The following ATG5 variants were observed in gnomAD, a reference collection of about 807,000 sequenced individuals.
ATG5 encodes autophagy protein 5.
In ATG5, 14 loss-of-function variants were observed where a neutral mutation model predicts 36.5. The observed-to-expected ratio is 0.38, with a 90% CI of 0.25 to 0.60. The LOEUF (loss-of-function observed/expected upper bound fraction) is 0.60, where lower values mean the gene tolerates loss of function less well. ATG5 is among the 20% of genes least tolerant of loss of function. The pLI is 0.60. For synonymous variants in ATG5, 95 were observed against 101.5 expected, an observed-to-expected ratio of 0.94 and a Z score of 0.38; for missense variants, 195 against 326.7, an observed-to-expected ratio of 0.60 and a Z score of 3.11.
intron 5 of ATG5, among the ~76,000 whole-genome samples, chr6:106,276,552 T>C (rs562830465): frequency 6.6e-6 from 1 of 152,102 alleles, no homozygotes; most frequent in Non-Finnish European, 1.5e-5. Flanking sequence ...CAGGCCTTTG[T>C]TGTTCTTCTA....
At chr6:106,204,211 G>A (rs1354970659) in intron 6 of ATG5, among the ~76,000 whole-genome samples, 1 of 151,898 alleles carries the variant, frequency 6.6e-6, no homozygotes, top group Non-Finnish European at 1.5e-5. Flanking sequence ...ATGTATTCCA[G>A]AACTTAAAGT....
At chr6:106,319,593 C>T (rs1365889540) in intron 1 of ATG5, among the ~76,000 whole-genome samples, 1 of 152,202 alleles carries the variant, frequency 6.6e-6, no homozygotes, top group African/African-American at 2.4e-5. Context: ...TCAACTTAAA[C>T]ATGCTTTAGG....
At chr6:106,308,343 A>G (rs1582682979) in intron 3 of ATG5, 21 bp downstream of exon 3, 2 of 1,543,202 alleles carry the variant, frequency 1.3e-6, no homozygotes, top group East Asian at 4.8e-5. Context: ...AATGCTTAAT[A>G]ATGCAGAAAA....
intron 3 of ATG5, among the ~76,000 whole-genome samples, chr6:106,296,215 T>TAA: frequency 6.9e-6 from 1 of 145,674 alleles, no homozygotes; most frequent in East Asian, 2.0e-4. Context: ...AAACTCACTT[T>TAA]AAAAAAAAAA....
At chr6:106,205,862 T>C (rs536713980) in intron 6 of ATG5, among the ~76,000 whole-genome samples, 1 of 152,356 alleles carries the variant, frequency 6.6e-6, no homozygotes, top group East Asian at 1.9e-4. Context: ...TTGTTTCTCA[T>C]TTAATGAAAA....
rs915056563 is a variant in ATG5 at position 106,277,482 on chromosome 6, T to A, written c.478+2179A>T. Among the ~76,000 whole-genome samples the A allele has an allele frequency of 1.9e-4, 29 of 152,228 alleles. 1 individual carries two copies. Among genetic ancestry groups the A allele is most frequent in the Admixed American group, 1.1e-3 (17 of 15,284 alleles). On this transcript the variant is annotated intron_variant, in intron 5 of 7. Transcript: ENST00000369076. ...CGATTGTTCCACAATCTTTAAAAAA[T>A]TTTGTCAAAACATTAAAAACTCTTA...
At chr6:106,322,831 T>C (rs1463540763) in intron 1 of ATG5, among the ~76,000 whole-genome samples, 1 of 152,208 alleles carries the variant, frequency 6.6e-6, no homozygotes, top group Admixed American at 6.5e-5. Flanking sequence ...GCTTCACATA[T>C]ACCACCACAT....
rs559776069 is a variant in ATG5, at chr6:106,250,146, A to G, written c.479-1902T>C. On this transcript the variant is annotated intron_variant, in intron 5 of 7. Coordinates refer to ENST00000369076, the MANE Select transcript of ATG5 (RefSeq NM_004849.4). ...AAAATCTTATCTCTATAAAGCAAGG[A>G]AATACATCCAGAATTACAGTTCAGC... is the stretch of plus-strand genomic sequence containing the variant. 1.6e-4 allele frequency among the ~76,000 whole-genome samples: 25 copies of G among 151,900 alleles called. No individual in the cohort carries two copies. In the South Asian group the frequency reaches 5.2e-3, roughly 32 times the overall value.
At chr6:106,263,701 T>C (rs1260029027) in intron 5 of ATG5, among the ~76,000 whole-genome samples, 1 of 152,096 alleles carries the variant, frequency 6.6e-6, no homozygotes, top group African/African-American at 2.4e-5. Flanking sequence ...CCACTGGTGA[T>C]ACCCAGGCGA....
At chr6:106,237,892 G>A (rs926614770) in intron 6 of ATG5, among the ~76,000 whole-genome samples, 5 of 152,172 alleles carry the variant, frequency 3.3e-5, no homozygotes, top group Admixed American at 2.0e-4. Flanking sequence ...ACAGTACAGA[G>A]CCTTAGCTTC....
At chr6:106,188,855 ATTATT>A (rs890461668) in intron 7 of ATG5, among the ~76,000 whole-genome samples, 7 of 152,230 alleles carry the variant, frequency 4.6e-5, no homozygotes, top group African/African-American at 1.4e-4. Context: ...TTTTAAATAT[ATTATT>A]TTGTCACTGC....
chr6:106,242,582 A>G (rs1778171705), intron 6 of ATG5, among the ~76,000 whole-genome samples: 3 of 152,184 alleles, frequency 2.0e-5, no homozygotes, highest in Admixed American at 6.5e-5. Flanking sequence ...CATGATTAAA[A>G]ATTAAAACAA....
chr6:106,314,589 G>A (rs1035608466), intron 2 of ATG5, among the ~76,000 whole-genome samples: 4 of 151,840 alleles, frequency 2.6e-5, no homozygotes, highest in African/African-American at 9.7e-5. Flanking sequence ...ATAAATAAAA[G>A]TAAACAGACT....
chr6:106,191,155 C>T (rs904431674), intron 7 of ATG5, among the ~76,000 whole-genome samples: 11 of 152,124 alleles, frequency 7.2e-5, no homozygotes, highest in African/African-American at 2.2e-4. Context: ...ATGAGCTGAG[C>T]TCCTCTCCAG....
chr6:106,186,375 C>A lies in ATG5; in HGVS notation c.*165G>T. 1 of 722,432 alleles carries A rather than the reference C, an allele frequency of 1.4e-6. No individual in the cohort carries two copies. The highest frequency in any genetic ancestry group is 2.2e-6 in the Non-Finnish European group (1 of 449,598). 44.8% of individuals were successfully genotyped at this position (722,432 alleles called of 1,614,324 possible). On this transcript the variant is annotated 3_prime_UTR_variant, in exon 8 of 8. Transcript: ENST00000369076. The stretch of plus-strand genomic sequence containing the variant: ...AAGCAGAGGTGATGCAAAGTAAGAC[C>A]AGCCCAGTTGCCTTATCTGACATGG...
chr6:106,225,835 C>T (rs1562222023), intron 6 of ATG5, among the ~76,000 whole-genome samples: 2 of 152,158 alleles, frequency 1.3e-5, no homozygotes, highest in Admixed American at 6.5e-5. Flanking sequence ...AATTGTTAAA[C>T]ATCACATCTG....
At chr6:106,242,242 A>G (rs1778157699) in intron 6 of ATG5, among the ~76,000 whole-genome samples, 1 of 152,156 alleles carries the variant, frequency 6.6e-6, no homozygotes. Flanking sequence ...AGCTTCCCAA[A>G]GTGCTGAGAT....
At chr6:106,287,619 G>A (rs1780130772) in intron 4 of ATG5, among the ~76,000 whole-genome samples, 1 of 151,992 alleles carries the variant, frequency 6.6e-6, no homozygotes, top group Non-Finnish European at 1.5e-5. Context: ...AAAACACCAA[G>A]GTTTTATAGG....
chr6:106,248,604 A>G (rs1778443064), intron 5 of ATG5, among the ~76,000 whole-genome samples: 1 of 152,214 alleles, frequency 6.6e-6, no homozygotes, highest in Middle Eastern at 3.2e-3. Flanking sequence ...ACAAAGGTAC[A>G]GCTTCAAGTA....
Sources: gnomAD v4.1 joint callset for allele counts (sites outside exome capture counted in the v4.1 genomes callset) on GRCh38, gnomAD v4.1.1 for gene constraint, MANE v1.5 for transcripts, NCBI Gene and HGNC (gene_info 2026-07-23, HGNC 2026-07-21) for gene names.